Variants in ZNF627 observed in about 807,000 individuals in gnomAD.
ZNF627 encodes the protein zinc finger protein 627.
In ZNF627, 12 loss-of-function variants were observed where a neutral mutation model predicts 10.6. That is an observed-to-expected ratio of 1.13 (90% CI 0.73 to 1.84). ZNF627 has a LOEUF of 1.84. Ranked by LOEUF, ZNF627 falls within the 40% of genes most tolerant of loss-of-function variation. ZNF627 has a pLI of 0.00. For synonymous variants in ZNF627, 176 were observed against 187.1 expected (o/e 0.94, Z 0.48); for missense variants, 504 against 568.4 (o/e 0.89, Z 1.15).
rs1219207397 is a variant in ZNF627 at position 11,619,093 on chromosome 19, A to G, written c.*1204A>G. 1 of 152,208 alleles carries G rather than the reference A, an allele frequency of 6.6e-6. No individual in the cohort carries two copies. Among genetic ancestry groups the G allele is most frequent in the African/African-American group, 2.4e-5 (1 of 41,454 alleles). 9.4% of individuals were successfully genotyped at this position (152,208 alleles called of 1,614,324 possible). On this transcript the variant is annotated 3_prime_UTR_variant, in exon 4 of 4. Coordinates refer to ENST00000361113, the MANE Select transcript of ZNF627 (RefSeq NM_145295.4). ...CCGCAGAGACCATACCTGTTGTCAA[A>G]GAGGGTGTAATAAACTGTAATAATA...
At chr19:11,614,155 C>T (rs536279556) in intron 1 of ZNF627, among the ~76,000 whole-genome samples, 5 of 151,580 alleles carry the variant, frequency 3.3e-5, no homozygotes, top group South Asian at 2.1e-4. Context: ...CTCTTGACCT[C>T]GTGATCCACC....
chr19:11,615,278 G>C (rs911668755), intron 3 of ZNF627, among the ~76,000 whole-genome samples: 1 of 150,344 alleles, frequency 6.7e-6, no homozygotes, highest in African/African-American at 2.4e-5. Context: ...CAACATATAA[G>C]CCCAGCTTCA....
intron 1 of ZNF627, among the ~76,000 whole-genome samples, chr19:11,610,396 C>T (rs1973753675): frequency 6.6e-6 from 1 of 151,912 alleles, no homozygotes; most frequent in African/African-American, 2.4e-5. Flanking sequence ...TTTTTGTTTA[C>T]TTTATGACAT....
At chr19:11,608,625 T>G (rs1973714493) in intron 1 of ZNF627, among the ~76,000 whole-genome samples, 1 of 152,204 alleles carries the variant, frequency 6.6e-6, no homozygotes. Context: ...ATGTGCTTAT[T>G]GGCCATTTGT....
At chr19:11,608,333 C>G (rs1161929641) in intron 1 of ZNF627, among the ~76,000 whole-genome samples, 1 of 152,134 alleles carries the variant, frequency 6.6e-6, no homozygotes, top group African/African-American at 2.4e-5. Context: ...AAATAAGTTC[C>G]TAAGTTTCTG....
intron 1 of ZNF627, among the ~76,000 whole-genome samples, chr19:11,602,877 G>A (rs904882548): frequency 4.6e-5 from 7 of 152,166 alleles, no homozygotes; most frequent in African/African-American, 1.7e-4. Flanking sequence ...AGAGGAGAGT[G>A]GGTTGTGTGA....
At chr19:11,609,915 C>G (rs1462576876) in intron 1 of ZNF627, among the ~76,000 whole-genome samples, 2 of 152,050 alleles carry the variant, frequency 1.3e-5, no homozygotes, top group Non-Finnish European at 2.9e-5. Flanking sequence ...AAGGCGGTTG[C>G]TTAAAGTCTT....
chr19:11,604,515 T>C (rs556117655), intron 1 of ZNF627, among the ~76,000 whole-genome samples: 1 of 152,264 alleles, frequency 6.6e-6, no homozygotes, highest in Non-Finnish European at 1.5e-5. Flanking sequence ...GTTTTGGGTT[T>C]GTGGGTGGGA....
In ZNF627 at chr19:11,618,983, C is replaced by T. The variant is rs1163160742; in HGVS notation, c.*1094C>T. On this transcript the variant is annotated 3_prime_UTR_variant, in exon 4 of 4. Transcript: ENST00000361113. ...TTTACTTTTCATGCTTATATAGTTTCAACTTTTATCTTCATAGTAATTTCT... is the reference window on the plus strand; with the variant it reads ...TTTACTTTTCATGCTTATATAGTTTTAACTTTTATCTTCATAGTAATTTCT... The T allele has an allele frequency of 6.6e-6, 1 of 152,108 alleles. No individual in the cohort carries two copies. The highest frequency in any genetic ancestry group is 1.5e-5 in the Non-Finnish European group (1 of 68,020). The allele number at this position is 152,108 out of a possible 1,614,324, so 9.4% of individuals were successfully genotyped here.
intron 1 of ZNF627, among the ~76,000 whole-genome samples, chr19:11,609,695 T>C (rs1215257482): frequency 2.0e-5 from 3 of 151,666 alleles, no homozygotes; most frequent in East Asian, 3.9e-4. Flanking sequence ...TGTTTGTGTA[T>C]TTTTAGTAGA....
Position 11,617,562 on chromosome 19 carries a change from T to G in ZNF627, c.1059T>G (p.His353Gln). Residue 353 changes from histidine (H) to glutamine (Q), a missense_variant, in exon 4 of 4, where the codon CAT (histidine) becomes CAG (glutamine). Coordinates refer to ENST00000361113, the MANE Select transcript of ZNF627 (RefSeq NM_145295.4). ...AFDFPSSFRIHERTHTGEKPY... is the reference protein window; with the variant it reads ...AFDFPSSFRIQERTHTGEKPY... ...ATTTCCCCAGTTCATTTCGAATCCA[T>G]GAAAGGACCCACACTGGAGAGAAAC... 6.2e-7 allele frequency: 1 copy of G among 1,613,804 alleles called. No individual in the cohort carries two copies. The highest frequency in any genetic ancestry group is 8.5e-7 in the Non-Finnish European group (1 of 1,179,952).
intron 1 of ZNF627, among the ~76,000 whole-genome samples, chr19:11,601,734 G>C (rs1028899115): frequency 6.6e-6 from 1 of 152,146 alleles, no homozygotes; most frequent in Admixed American, 6.6e-5. Context: ...CAGGCTGGGC[G>C]TGGTGGCTCA....
intron 2 of ZNF627, 28 bp downstream of exon 2, chr19:11,614,681 G>A: frequency 6.2e-7 from 1 of 1,613,542 alleles, no homozygotes. Flanking sequence ...CCTTTCCTCA[G>A]TGAATTAGAG....
intron 1 of ZNF627, among the ~76,000 whole-genome samples, chr19:11,606,693 C>T (rs1372604208): frequency 6.6e-6 from 1 of 152,220 alleles, no homozygotes; most frequent in Non-Finnish European, 1.5e-5. Context: ...AGGGCTCCGC[C>T]CCTGTAGCAC....
intron 1 of ZNF627, among the ~76,000 whole-genome samples, chr19:11,606,068 G>A (rs1297977123): frequency 9.9e-5 from 15 of 152,112 alleles, no homozygotes; most frequent in Admixed American, 6.6e-4. Context: ...TTGGCCAGGC[G>A]CGGTGGCTCA....
At chr19:11,614,494 ACCTT>A in intron 1 of ZNF627, 29 bp from the exon 2 acceptor site, 1 of 1,613,318 alleles carries the variant, frequency 6.2e-7, no homozygotes, top group Non-Finnish European at 8.5e-7. Flanking sequence ...GTCTGTCTCA[ACCTT>A]CCTCCTCCAC....
intron 1 of ZNF627, 141 bp downstream of exon 1, chr19:11,597,771 C>T: frequency 6.4e-6 from 6 of 933,538 alleles, no homozygotes; most frequent in Non-Finnish European, 8.6e-6. Flanking sequence ...CAAGGTGGGG[C>T]TGGGCCAGGA....
chr19:11,617,324 C>T lies in ZNF627; in HGVS notation c.821C>T (p.Thr274Ile). ...ATTCGAATCCATGAACGAACTCACA[C>T]AGGAGAGAAACCCTACGAATGTAAA... ...KYIRIHERTH[T>I]GEKPYECKQC... The change falls in exon 4 of 4, where the codon ACA (threonine) becomes ATA (isoleucine). Residue 274 changes from threonine to isoleucine, a missense_variant. Physicochemically the swap from Thr to Ile is moderately conservative, Grantham distance 89. Coordinates refer to ENST00000361113, the MANE Select transcript of ZNF627 (RefSeq NM_145295.4). The T allele has an allele frequency of 6.8e-6, 11 of 1,613,954 alleles. No homozygotes were observed. Among genetic ancestry groups the T allele is most frequent in the African/African-American group, 1.3e-5 (1 of 74,986 alleles).
chr19:11,614,944 GA>G (rs1973839981), intron 3 of ZNF627, 57 bp downstream of exon 3: 2 of 1,226,344 alleles, frequency 1.6e-6, no homozygotes, highest in Non-Finnish European at 2.2e-6. Flanking sequence ...GTATTGTTAG[GA>G]ATTTTTTTTT....
Sources: allele counts gnomAD v4.1 joint callset (sites outside exome capture counted in the v4.1 genomes callset), GRCh38; gene constraint gnomAD v4.1.1; transcripts MANE v1.5; gene names NCBI Gene and HGNC (gene_info 2026-07-23, HGNC 2026-07-21).